TPR: variants seen among roughly 807,000 people sequenced by gnomAD.
TPR encodes the protein translocated promoter region, nuclear basket protein, also known as nucleoprotein TPR.
In TPR, 51 loss-of-function variants were observed where a neutral mutation model predicts 316.1. The observed-to-expected ratio is 0.16, with a 90% CI of 0.13 to 0.20. The LOEUF (loss-of-function observed/expected upper bound fraction) is 0.20. Ranked by LOEUF, TPR falls within the 10% of genes least tolerant of loss-of-function variation. The pLI, the probability that TPR is intolerant of heterozygous loss-of-function variation, is 1.00. For synonymous variants in TPR, 981 were observed against 914.7 expected (o/e 1.07, Z -1.31); for missense variants, 2,272 against 2,754.8 (o/e 0.82, Z 3.92).
chr1:186,332,437 A>C, intron 37 of TPR, 94 bp from the exon 38 acceptor site: 1 of 1,249,630 alleles, frequency 8.0e-7, no homozygotes, highest in Non-Finnish European at 1.1e-6. Context: ...CTAAAGGAGA[A>C]CACAGTAAAC....
chr1:186,356,226 A>C, intron 15 of TPR, 60 bp downstream of exon 15: 1 of 1,441,020 alleles, frequency 6.9e-7, no homozygotes. Flanking sequence ...TATGTTGCAA[A>C]ATTAATCCCT....
rs764837204 is a variant in TPR, at chr1:186,344,389, C to T, written c.3403G>A (p.Glu1135Lys). 5 of 1,613,800 alleles carry T rather than the reference C, an allele frequency of 3.1e-6. 1 individual carries two copies. The South Asian group carries it at 5.5e-5, about 18-fold the overall frequency. The change falls in exon 25 of 51, where the codon GAG becomes AAG. Residue 1135 changes from glutamate to lysine, a missense_variant. Physicochemically the swap from Glu to Lys is moderately conservative, Grantham distance 56 (BLOSUM62 1). This residue lies in a region of TPR where 757 missense variants were observed against 859.8 expected (regional missense o/e 0.88). Transcript: ENST00000367478. ...LECKASWEER[E>K]RMLKDEVSKC... ...TACAATAATACCTTTAACATTCTCT[C>T]TCTTTCCTCCCAAGATGCTTTACAC...
chr1:186,361,854 C>T lies in TPR; in HGVS notation c.805G>A (p.Ala269Thr). Reference protein sequence around the residue: ...TKLKEAKEQQASMEEKFHNEL... With the variant: ...TKLKEAKEQQTSMEEKFHNEL... ...TTGTGGAATTTCTCTTCCATACTGG[C>T]CTGTTGTTCCTTGGCCTGAAAAAAA... Residue 269 changes from alanine (A) to threonine (T), a missense_variant, in exon 8 of 51, where the codon GCC becomes ACC. By Grantham distance (58) the Ala-to-Thr change is moderately conservative. Transcript: ENST00000367478. The T allele has an allele frequency of 6.2e-7, 1 of 1,612,758 alleles. No homozygotes were observed. Among genetic ancestry groups the T allele is most frequent in the African/African-American group, 1.3e-5 (1 of 74,960 alleles).
intron 22 of TPR, 122 bp downstream of exon 22, chr1:186,347,170 G>T: frequency 1.9e-6 from 2 of 1,031,318 alleles, no homozygotes; most frequent in Non-Finnish European, 1.4e-6. Flanking sequence ...ACTTTCACAA[G>T]GTTAAAGGCA....
rs200011256 is a variant in TPR, at chr1:186,344,390, T to A, written c.3402A>T (p.Arg1134Ser). 35 of 1,613,744 alleles carry A rather than the reference T, an allele frequency of 2.2e-5. No homozygotes were observed. The highest frequency in any genetic ancestry group is 2.8e-5 in the Non-Finnish European group (33 of 1,179,914). ...LLECKASWEERERMLKDEVSK... is the reference protein window; with the variant it reads ...LLECKASWEESERMLKDEVSK... ...ACAATAATACCTTTAACATTCTCTC[T>A]CTTTCCTCCCAAGATGCTTTACACT... The change falls in exon 25 of 51, where the codon AGA (arginine) becomes AGT (serine). Residue 1134 changes from arginine to serine, a missense_variant. By Grantham distance (110) the Arg-to-Ser change is moderately radical. Coordinates refer to ENST00000367478, the MANE Select transcript of TPR (RefSeq NM_003292.3).
intron 4 of TPR, among the ~76,000 whole-genome samples, chr1:186,364,395 A>G (rs1314979038): frequency 6.6e-6 from 1 of 151,980 alleles, no homozygotes; most frequent in Non-Finnish European, 1.5e-5. Context: ...AAAAAAAAAA[A>G]GAAATAAAAA....
In TPR at chr1:186,353,697, A is replaced by G. The variant is rs1658941123; in HGVS notation, c.2325T>C (p.Ala775=). The G allele has an allele frequency of 6.2e-7, 1 of 1,613,630 alleles. No homozygotes were observed. Among genetic ancestry groups the G allele is most frequent in the Non-Finnish European group, 8.5e-7 (1 of 1,179,890 alleles). The change falls in exon 18 of 51, where the codon GCT becomes GCC. Residue 775 remains alanine, a synonymous_variant. Coordinates refer to ENST00000367478, the MANE Select transcript of TPR (RefSeq NM_003292.3). ...QDLRGANEKL[A]VAEVRAENLK... is the part of the protein sequence containing the mutation. The stretch of plus-strand genomic sequence containing the variant: ...GGGATATTGGACTCACTTCTGCGAC[A>G]GCTAGCTTCTCATTTGCTCCTCTCA...
intron 10 of TPR, 79 bp downstream of exon 10, chr1:186,360,686 A>T (rs1659159212): frequency 6.4e-7 from 1 of 1,557,404 alleles, no homozygotes; most frequent in African/African-American, 1.4e-5. Context: ...ACAGATAAAT[A>T]CTATTAGTGA....
chr1:186,374,617 GC>G (rs1659648422), intron 1 of TPR, among the ~76,000 whole-genome samples: 1 of 152,340 alleles, frequency 6.6e-6, no homozygotes, highest in South Asian at 2.1e-4. Flanking sequence ...TTTCCCGTCT[GC>G]CGGACGAAGG....
In TPR at chr1:186,312,297, C is replaced by T. The variant is rs771197949; in HGVS notation, c.*1674G>A. On this transcript the variant is annotated 3_prime_UTR_variant, in exon 51 of 51. Coordinates refer to ENST00000367478, the MANE Select transcript of TPR (RefSeq NM_003292.3). ...ACAGGTTAGGAGACGTCGCTTTGAA[C>T]GTGCTATAGGACCTTCTCAAACACA... 28 of 1,613,570 alleles carry T rather than the reference C, an allele frequency of 1.7e-5. No homozygotes were observed. In the Admixed American group the frequency reaches 2.8e-4, roughly 16 times the overall value.
chr1:186,366,874 G>A (rs935168155), intron 4 of TPR, among the ~76,000 whole-genome samples: 6 of 151,366 alleles, frequency 4.0e-5, no homozygotes, highest in South Asian at 2.1e-4. Flanking sequence ...TTATGAATTC[G>A]TTTAGTTGTA....
Position 186,311,689 on chromosome 1 carries a change from T to C in TPR, c.*2282A>G, listed in dbSNP as rs1657252366. 1.5e-6 allele frequency: 2 copies of C among 1,299,238 alleles called. No homozygotes were observed. Among genetic ancestry groups the C allele is most frequent in the African/African-American group, 2.9e-5 (2 of 67,828 alleles). The allele number at this position is 1,299,238 out of a possible 1,614,324, so 80.5% of individuals were successfully genotyped here. On this transcript the variant is annotated 3_prime_UTR_variant, in exon 51 of 51. Transcript: ENST00000367478. The stretch of plus-strand genomic sequence containing the variant: ...ATTGACTTTACTGTCAAAAGATATC[T>C]TTAATGGCTGAAATCAAATATTTTC...
At position 186,337,208 on chromosome 1, in the gene TPR, C is replaced by A. The variant is rs367899204; in HGVS notation, c.4363-52G>T. ...CTCACATATTTATATTCAGTAATTC[C>A]ATTTCTGCAAGTTTGTCTAAGAAAA... is the stretch of plus-strand genomic sequence containing the variant. On this transcript the variant is annotated intron_variant, in intron 31 of 50. Transcript: ENST00000367478. The A allele has an allele frequency of 4.3e-5, 66 of 1,534,678 alleles. No individual in the cohort carries two copies. In the African/African-American group the frequency reaches 8.4e-4, roughly 20 times the overall value.
intron 3 of TPR, among the ~76,000 whole-genome samples, chr1:186,369,011 C>T (rs564812994): frequency 4.1e-4 from 63 of 152,318 alleles, no homozygotes; most frequent in African/African-American, 1.4e-3. Context: ...AGGAGACGAT[C>T]ACAACTCCAT....
intron 23 of TPR, 77 bp downstream of exon 23, chr1:186,346,058 T>A: frequency 6.8e-7 from 1 of 1,474,096 alleles, no homozygotes; most frequent in Non-Finnish European, 9.1e-7. Flanking sequence ...ATGAACTAAA[T>A]GGCAACTAAT....
At chr1:186,348,486 C>A (rs145964287) in intron 21 of TPR, among the ~76,000 whole-genome samples, 1 of 151,962 alleles carries the variant, frequency 6.6e-6, no homozygotes, top group Admixed American at 6.6e-5. Flanking sequence ...CTGCTTTTGC[C>A]CTTTGCCCTG....
chr1:186,373,283 T>C (rs1659588067), intron 2 of TPR, 76 bp downstream of exon 2: 2 of 956,196 alleles, frequency 2.1e-6, no homozygotes, highest in Non-Finnish European at 3.1e-6. Flanking sequence ...TAAGCAAATG[T>C]TTCCAAAGTA....
At chr1:186,322,295 A>G (rs1657796590) in intron 45 of TPR, 23 bp downstream of exon 45, 1 of 1,587,356 alleles carries the variant, frequency 6.3e-7, no homozygotes, top group African/African-American at 1.4e-5. Context: ...GTTATAAAGT[A>G]TGTTTCTCTT....
Position 186,312,914 on chromosome 1 carries a change from T to C in TPR, c.*1057A>G. On this transcript the variant is annotated 3_prime_UTR_variant, in exon 51 of 51. Coordinates refer to ENST00000367478, the MANE Select transcript of TPR (RefSeq NM_003292.3). The stretch of plus-strand genomic sequence containing the variant: ...CTAAAGGTAAGGTATTAACTAACAG[T>C]TTCCCAAGGAGGTGATATCATTTGT... 6.2e-7 allele frequency: 1 copy of C among 1,603,216 alleles called. No individual in the cohort carries two copies. The highest frequency in any genetic ancestry group is 8.5e-7 in the Non-Finnish European group (1 of 1,170,212).
Sources: gnomAD v4.1 joint callset for allele counts (sites outside exome capture counted in the v4.1 genomes callset) on GRCh38, gnomAD v4.1.1 for gene constraint, gnomAD v4.1.1 regional missense constraint, MANE v1.5 for transcripts, NCBI Gene and HGNC (gene_info 2026-07-23, HGNC 2026-07-21) for gene names.